The following FSTL4 variants were observed in gnomAD, a reference collection of about 807,000 sequenced individuals.
FSTL4 encodes the protein follistatin like 4.
In FSTL4, 28 loss-of-function variants were observed where a neutral mutation model predicts 78.2. The ratio of observed to expected loss-of-function variants is 0.36; its 90% CI spans 0.27 to 0.49. The LOEUF is 0.49. FSTL4 is among the 20% of genes least tolerant of loss of function. The pLI is 0.98. For synonymous variants in FSTL4, 422 were observed against 440.5 expected (o/e 0.96, Z 0.53); for missense variants, 922 against 1,084.9 (o/e 0.85, Z 2.11).
In FSTL4 at chr5:133,259,021, T is replaced by C. The variant is rs529325104; in HGVS notation, c.728-9445A>G. 2.0e-5 allele frequency among the ~76,000 whole-genome samples: 3 copies of C among 152,102 alleles called. No individual in the cohort carries two copies. In the South Asian group the frequency reaches 6.2e-4, roughly 32 times the overall value. On this transcript the variant is annotated intron_variant, in intron 6 of 15. Transcript: ENST00000265342. ...TCTGTTGCTACAGCGTCCAAACTGC[T>C]GGACTGAGGGAGCAAGGGCTGGGGG...
chr5:133,375,777 A>G (rs1755419299), intron 4 of FSTL4, among the ~76,000 whole-genome samples: 1 of 152,230 alleles, frequency 6.6e-6, no homozygotes, highest in South Asian at 2.1e-4. Flanking sequence ...TAGCCTCTAA[A>G]GTTAATTTGT....
chr5:133,712,885 C>T, the FSTL4 span, among the ~76,000 whole-genome samples: 1 of 152,154 alleles, frequency 6.6e-6, no homozygotes, highest in Non-Finnish European at 1.5e-5. Context: ...GAGGTCCAGG[C>T]CGTGTGTGAT....
At chr5:133,344,682 C>T (rs562360787) in intron 4 of FSTL4, among the ~76,000 whole-genome samples, 7 of 152,278 alleles carry the variant, frequency 4.6e-5, no homozygotes, top group South Asian at 4.1e-4. Context: ...ATAGCACATA[C>T]GTATTCTTCA....
chr5:133,260,966 G>A (rs575570158), intron 6 of FSTL4, among the ~76,000 whole-genome samples: 1 of 152,326 alleles, frequency 6.6e-6, no homozygotes, highest in African/African-American at 2.4e-5. Flanking sequence ...ATGTTGGGAG[G>A]AGGGCTGGCG....
chr5:133,375,249 G>C (rs1755400776), intron 4 of FSTL4, among the ~76,000 whole-genome samples: 2 of 118,354 alleles, frequency 1.7e-5, no homozygotes, highest in Admixed American at 9.9e-5. Context: ...CATTTATAAA[G>C]AGCTATTTTG....
At chr5:133,520,353 T>C (rs1758951964) in intron 3 of FSTL4, among the ~76,000 whole-genome samples, 1 of 143,138 alleles carries the variant, frequency 7.0e-6, no homozygotes, top group Non-Finnish European at 1.5e-5. Context: ...CACTCAACCA[T>C]CCAGAGCACA....
the FSTL4 span, among the ~76,000 whole-genome samples, chr5:133,761,012 C>T: frequency 3.9e-5 from 6 of 152,234 alleles, no homozygotes; most frequent in Admixed American, 2.0e-4. Context: ...GACTTCATCC[C>T]GTTAGAGCTA....
chr5:133,666,122 C>T, the FSTL4 span, among the ~76,000 whole-genome samples: 2 of 152,116 alleles, frequency 1.3e-5, no homozygotes, highest in Non-Finnish European at 1.5e-5. Flanking sequence ...GGAATAGCTG[C>T]TAAGACCCAG....
intron 4 of FSTL4, among the ~76,000 whole-genome samples, chr5:133,379,388 T>C (rs1036306207): frequency 6.6e-6 from 1 of 152,038 alleles, no homozygotes; most frequent in Admixed American, 6.6e-5. Context: ...GACAAAACTA[T>C]GATACAACTA....
chr5:133,672,909 C>A, the FSTL4 span, among the ~76,000 whole-genome samples: 34 of 152,248 alleles, frequency 2.2e-4, no homozygotes, highest in African/African-American at 8.2e-4. Flanking sequence ...GTGCCCAAGA[C>A]GGTCAGGGCA....
At chr5:133,393,419 G>A (rs1274720747) in intron 4 of FSTL4, among the ~76,000 whole-genome samples, 1 of 152,206 alleles carries the variant, frequency 6.6e-6, no homozygotes, top group Non-Finnish European at 1.5e-5. Flanking sequence ...CACCAAGTGG[G>A]CATTCAACAG....
At chr5:133,699,671 G>A in the FSTL4 span, among the ~76,000 whole-genome samples, 1 of 152,136 alleles carries the variant, frequency 6.6e-6, no homozygotes, top group Non-Finnish European at 1.5e-5. Context: ...CACGAGGTCA[G>A]GAGATCGAGA....
At chr5:133,571,110 A>G (rs745771692) in intron 2 of FSTL4, among the ~76,000 whole-genome samples, 11 of 152,204 alleles carry the variant, frequency 7.2e-5, no homozygotes, top group Admixed American at 1.3e-4. Flanking sequence ...CAAGAAAAAA[A>G]AAAGCCTCAA....
At chr5:133,713,087 A>T in the FSTL4 span, among the ~76,000 whole-genome samples, 1 of 152,334 alleles carries the variant, frequency 6.6e-6, no homozygotes, top group African/African-American at 2.4e-5. Context: ...AACAGGTACC[A>T]GAAACAGAGC....
chr5:133,813,232 AT>A, the FSTL4 span, among the ~76,000 whole-genome samples: 3 of 152,380 alleles, frequency 2.0e-5, no homozygotes, highest in African/African-American at 7.2e-5. Context: ...AAAGAAAAAA[AT>A]AAACGTGAAA....
At chr5:133,350,174 T>C (rs13169608) in intron 4 of FSTL4, among the ~76,000 whole-genome samples, 41,889 of 148,784 alleles carry the variant, frequency 0.28, 5,838 homozygotes, top group East Asian at 0.36. Context: ...GGCTGCCATG[T>C]GACTGTAAAG....
chr5:133,486,017 C>T (rs1357846366), intron 3 of FSTL4, among the ~76,000 whole-genome samples: 3 of 152,152 alleles, frequency 2.0e-5, no homozygotes, highest in Admixed American at 2.0e-4. Flanking sequence ...TACAAAGGCC[C>T]AGCTCCTGGG....
the FSTL4 span, among the ~76,000 whole-genome samples, chr5:133,700,218 TCACCACACCAAAC>T: frequency 3.8e-5 from 3 of 78,920 alleles, no homozygotes; most frequent in Non-Finnish European, 7.6e-5. Context: ...TCACACAAAG[TCACCACACCAAAC>T]CACCACACCA....
the FSTL4 span, among the ~76,000 whole-genome samples, chr5:133,654,659 T>C: frequency 6.6e-6 from 1 of 152,178 alleles, no homozygotes; most frequent in Non-Finnish European, 1.5e-5. Flanking sequence ...AAGGGACTTG[T>C]CCTAGCTTGG....
Sources: allele counts gnomAD v4.1 joint callset (sites outside exome capture counted in the v4.1 genomes callset), GRCh38; gene constraint gnomAD v4.1.1; transcripts MANE v1.5; gene names NCBI Gene and HGNC (gene_info 2026-07-23, HGNC 2026-07-21).